The following SYT10 variants were observed in gnomAD, a reference collection of about 807,000 sequenced individuals.
SYT10 encodes the protein synaptotagmin-10.
Under a neutral mutation model 51.1 loss-of-function variants are expected in SYT10, and 31 were observed. The ratio of observed to expected loss-of-function variants is 0.61; its 90% CI spans 0.46 to 0.82. SYT10 has a LOEUF of 0.82. SYT10 is among the 40% of genes least tolerant of loss of function. The pLI, the probability that SYT10 is intolerant of heterozygous loss-of-function variation, is 0.00. For synonymous variants in SYT10, 233 were observed against 225.9 expected (o/e 1.03, Z -0.28); for missense variants, 603 against 634.0 (o/e 0.95, Z 0.53).
chr12:33,411,126 G>A (rs1866401157), intron 2 of SYT10, among the ~76,000 whole-genome samples: 1 of 152,124 alleles, frequency 6.6e-6, no homozygotes, highest in Non-Finnish European at 1.5e-5. Context: ...GGGTCTAGTG[G>A]CCACACCCTT....
Position 33,407,034 on chromosome 12 carries a change from C to G in SYT10, c.832G>C (p.Asp278His), listed in dbSNP as rs1866360482. Residue 278 changes from aspartate (D) to histidine (H), a missense_variant, in exon 3 of 7, where the codon GAT becomes CAT. Physicochemically the swap from Asp to His is moderately conservative, Grantham distance 81. Transcript: ENST00000228567. ...DPYVKMYLLP[D>H]RKKKFQTRVH... Reference sequence around the variant, plus strand: ...CGGGTCTGAAATTTCTTTTTCCTATCTGGAAGAAGATACATCTTCACATAA... The same window carrying G: ...CGGGTCTGAAATTTCTTTTTCCTATGTGGAAGAAGATACATCTTCACATAA... The G allele has an allele frequency of 1.2e-6, 2 of 1,613,972 alleles. No individual in the cohort carries two copies. Among genetic ancestry groups the G allele is most frequent in the African/African-American group, 1.3e-5 (1 of 74,910 alleles).
At chr12:33,380,788 T>C (rs1866107331) in intron 5 of SYT10, among the ~76,000 whole-genome samples, 1 of 152,186 alleles carries the variant, frequency 6.6e-6, no homozygotes, top group African/African-American at 2.4e-5. Flanking sequence ...AAAGGAGTTG[T>C]TGGCTCAAGA....
In SYT10 at chr12:33,439,356, G is replaced by A. The variant is rs115298341; in HGVS notation, c.151+16C>T. 855 of 1,607,432 alleles carry A rather than the reference G, an allele frequency of 5.3e-4. 2 individuals carry two copies. The African/African-American group carries it at 0.011, about 20-fold the overall frequency. On this transcript the variant is annotated intron_variant, in intron 1 of 6. Transcript: ENST00000228567. ...CCAGCGGAGCGCGAGGACGCGAGCG[G>A]AGCCCTCCCGGTTACCTGTGCTGCT...
At chr12:33,417,086 G>T (rs12422655) in intron 2 of SYT10, among the ~76,000 whole-genome samples, 15,002 of 152,086 alleles carry the variant, frequency 0.099, 2,112 homozygotes, top group East Asian at 0.63. Context: ...AGAGGAAGAA[G>T]GTGATAGAAG....
At chr12:33,438,964 C>T (rs1005692217) in intron 1 of SYT10, among the ~76,000 whole-genome samples, 3 of 152,226 alleles carry the variant, frequency 2.0e-5, no homozygotes, top group Non-Finnish European at 2.9e-5. Flanking sequence ...GTGGAACGAG[C>T]GAGAGCAGCC....
chr12:33,427,453 T>C (rs1866562475), intron 1 of SYT10, among the ~76,000 whole-genome samples: 1 of 152,168 alleles, frequency 6.6e-6, no homozygotes, highest in Non-Finnish European at 1.5e-5. Flanking sequence ...TGATGTATCA[T>C]TTCTTAAGGA....
chr12:33,402,776 T>C (rs1262334393), intron 3 of SYT10, among the ~76,000 whole-genome samples: 1 of 152,136 alleles, frequency 6.6e-6, no homozygotes, highest in Non-Finnish European at 1.5e-5. Context: ...GAAGAAAATA[T>C]GACAGAGACC....
Position 33,377,710 on chromosome 12 carries a change from C to A in SYT10, c.1501-809G>T, listed in dbSNP as rs148752312. Among the ~76,000 whole-genome samples the A allele has an allele frequency of 7.5e-3, 1,122 of 148,876 alleles. 14 individuals carry two copies. Among genetic ancestry groups the A allele is most frequent in the African/African-American group, 0.027 (1,095 of 40,668 alleles). ...TGGTGAGATCTCAGCTCACTGCAACCTCCGCCTCCTGGGTTTAAGCAATTC... is the reference window on the plus strand; with the variant it reads ...TGGTGAGATCTCAGCTCACTGCAACATCCGCCTCCTGGGTTTAAGCAATTC... On this transcript the variant is annotated intron_variant, in intron 6 of 6. Coordinates refer to ENST00000228567, the MANE Select transcript of SYT10 (RefSeq NM_198992.4).
chr12:33,412,235 CT>C (rs59600285), intron 2 of SYT10, among the ~76,000 whole-genome samples: 93,083 of 151,772 alleles, frequency 0.61, 29,722 homozygotes, highest in East Asian at 0.89. Context: ...TGTAAAGTCC[CT>C]TTATAAGAAT....
chr12:33,392,087 G>A (rs1218506717), intron 3 of SYT10, among the ~76,000 whole-genome samples: 1 of 152,222 alleles, frequency 6.6e-6, no homozygotes, highest in East Asian at 1.9e-4. Flanking sequence ...AAGGTTTGGA[G>A]AGCTACAGTT....
At chr12:33,396,318 G>A (rs1372280819) in intron 3 of SYT10, among the ~76,000 whole-genome samples, 2 of 152,162 alleles carry the variant, frequency 1.3e-5, no homozygotes, top group African/African-American at 4.8e-5. Context: ...AGTAAAGAAT[G>A]CAGGAAGCAT....
At chr12:33,397,622 A>G (rs968484496) in intron 3 of SYT10, among the ~76,000 whole-genome samples, 1 of 152,032 alleles carries the variant, frequency 6.6e-6, no homozygotes, top group Non-Finnish European at 1.5e-5. Context: ...CTAAAGACAC[A>G]CCTAGGAGAT....
chr12:33,394,902 A>C (rs893334960), intron 3 of SYT10, among the ~76,000 whole-genome samples: 1 of 152,222 alleles, frequency 6.6e-6, no homozygotes, highest in African/African-American at 2.4e-5. Context: ...CCTGGCTAAC[A>C]TGGTGAAACC....
chr12:33,390,744 TA>T (rs955550711), intron 3 of SYT10, among the ~76,000 whole-genome samples: 2 of 152,148 alleles, frequency 1.3e-5, no homozygotes, highest in African/African-American at 4.8e-5. Flanking sequence ...ACTGAGTGCA[TA>T]AAAAATGCCA....
chr12:33,437,405 G>T (rs1351715903), intron 1 of SYT10, among the ~76,000 whole-genome samples: 2 of 152,200 alleles, frequency 1.3e-5, no homozygotes, highest in Non-Finnish European at 2.9e-5. Flanking sequence ...ACTACTTCTT[G>T]CAGTGATTAG....
chr12:33,426,115 TTA>T, intron 2 of SYT10, 21 bp downstream of exon 2: 2 of 1,557,356 alleles, frequency 1.3e-6, no homozygotes, highest in Non-Finnish European at 1.7e-6. Flanking sequence ...CACACCAGTT[TTA>T]TATATTTAAT....
At chr12:33,395,301 T>C (rs1233996900) in intron 3 of SYT10, among the ~76,000 whole-genome samples, 1 of 152,208 alleles carries the variant, frequency 6.6e-6, no homozygotes, top group African/African-American at 2.4e-5. Flanking sequence ...GGAGAAGAAT[T>C]ATTCTGAACA....
chr12:33,406,776 A>T lies in SYT10; in HGVS notation c.1077+13T>A. Reference sequence around the variant, plus strand: ...CAAATAAAAAACAATATATTGGTGGAATTACTACTTACTGTGGTAGCACAG... The same window carrying T: ...CAAATAAAAAACAATATATTGGTGGTATTACTACTTACTGTGGTAGCACAG... On this transcript the variant is annotated intron_variant, in intron 3 of 6. Transcript: ENST00000228567. 6.3e-7 allele frequency: 1 copy of T among 1,577,472 alleles called. No homozygotes were observed. Among genetic ancestry groups the T allele is most frequent in the Non-Finnish European group, 8.6e-7 (1 of 1,163,962 alleles).
intron 1 of SYT10, among the ~76,000 whole-genome samples, chr12:33,437,209 T>C (rs965659229): frequency 2.6e-5 from 4 of 152,248 alleles, no homozygotes; most frequent in Admixed American, 6.5e-5. Flanking sequence ...CTTAGTAGAA[T>C]ATCTTTCCTA....
Sources: allele counts gnomAD v4.1 joint callset (sites outside exome capture counted in the v4.1 genomes callset), GRCh38; gene constraint gnomAD v4.1.1; transcripts MANE v1.5; gene names NCBI Gene and HGNC (gene_info 2026-07-23, HGNC 2026-07-21).